ITPR2: variants seen among roughly 807,000 people sequenced by gnomAD.
ITPR2 encodes the protein inositol 1,4,5-trisphosphate-gated calcium channel ITPR2.
A neutral mutation model predicts 317.1 loss-of-function variants in ITPR2; 207 were observed. The observed-to-expected ratio is 0.65, with a 90% confidence interval of 0.58 to 0.73. The LOEUF (loss-of-function observed/expected upper bound fraction) is 0.73. ITPR2 is among the 30% of genes least tolerant of loss of function. The pLI, the probability that ITPR2 is intolerant of heterozygous loss-of-function variation, is 0.00. For missense variants in ITPR2, 2,613 were observed against 3,284.0 expected, an observed-to-expected ratio of 0.80 and a Z score of 4.99; for synonymous variants, 1,156 against 1,149.1, an observed-to-expected ratio of 1.01 and a Z score of -0.12.
chr12:26,798,767 A>G (rs1455156305), intron 1 of ITPR2, among the ~76,000 whole-genome samples: 1 of 152,182 alleles, frequency 6.6e-6, no homozygotes, highest in Non-Finnish European at 1.5e-5. Context: ...TCCTATGGCC[A>G]CTCCTGTACA....
intron 39 of ITPR2, among the ~76,000 whole-genome samples, chr12:26,492,091 G>C (rs141450469): frequency 1.3e-5 from 2 of 152,302 alleles, no homozygotes; most frequent in Non-Finnish European, 2.9e-5. Flanking sequence ...TTTGCAGAAG[G>C]CTAAGAAGAA....
intron 8 of ITPR2, among the ~76,000 whole-genome samples, chr12:26,711,797 A>G (rs1948646803): frequency 6.6e-6 from 1 of 152,204 alleles, no homozygotes; most frequent in Admixed American, 6.5e-5. Flanking sequence ...CATCATGAGT[A>G]TGGGCCACTT....
intron 15 of ITPR2, among the ~76,000 whole-genome samples, chr12:26,660,488 T>C (rs1352954965): frequency 6.6e-6 from 1 of 152,242 alleles, no homozygotes; most frequent in East Asian, 1.9e-4. Flanking sequence ...CCTGGAAATG[T>C]GTCTTTGTTT....
intron 55 of ITPR2, among the ~76,000 whole-genome samples, chr12:26,352,654 G>A (rs967370809): frequency 6.6e-6 from 1 of 152,204 alleles, no homozygotes; most frequent in African/African-American, 2.4e-5. Flanking sequence ...AAAACTGGGT[G>A]CTTGAAAATG....
chr12:26,647,434 C>T (rs1001594031), intron 21 of ITPR2, among the ~76,000 whole-genome samples: 3 of 152,156 alleles, frequency 2.0e-5, no homozygotes, highest in African/African-American at 7.2e-5. Flanking sequence ...AAAAAGGGCT[C>T]TTAATTATTA....
At chr12:26,431,438 A>G (rs1941205393) in intron 48 of ITPR2, among the ~76,000 whole-genome samples, 1 of 152,180 alleles carries the variant, frequency 6.6e-6, no homozygotes, top group African/African-American at 2.4e-5. Flanking sequence ...TCATTCCTCA[A>G]CATTGGCATG....
chr12:26,391,479 A>G (rs945085006), intron 54 of ITPR2, among the ~76,000 whole-genome samples: 2 of 152,056 alleles, frequency 1.3e-5, no homozygotes, highest in Non-Finnish European at 2.9e-5. Context: ...TCTGGCAGAA[A>G]CAACGGCAAG....
At chr12:26,666,560 CT>C (rs905079675) in intron 13 of ITPR2, among the ~76,000 whole-genome samples, 3 of 152,108 alleles carry the variant, frequency 2.0e-5, no homozygotes, top group Non-Finnish European at 4.4e-5. Flanking sequence ...TCTTTTTTTA[CT>C]GTTAAACTAC....
intron 48 of ITPR2, among the ~76,000 whole-genome samples, chr12:26,429,329 G>T (rs980004290): frequency 1.3e-5 from 2 of 152,160 alleles, no homozygotes; most frequent in African/African-American, 4.8e-5. Context: ...AGACAGATGT[G>T]ATATTCTCCC....
At chr12:26,452,871 A>G in intron 45 of ITPR2, among the ~76,000 whole-genome samples, 1 of 152,132 alleles carries the variant, frequency 6.6e-6, no homozygotes, top group East Asian at 1.9e-4. Flanking sequence ...TTAATTACCC[A>G]GTCTCGGGTA....
chr12:26,455,418 T>C (rs567288945), intron 45 of ITPR2, among the ~76,000 whole-genome samples: 4 of 149,606 alleles, frequency 2.7e-5, no homozygotes, highest in South Asian at 4.2e-4. Flanking sequence ...AGAGAATTAC[T>C]GCTCAAATGA....
At chr12:26,509,688 C>T (rs558179086) in intron 37 of ITPR2, among the ~76,000 whole-genome samples, 1 of 152,068 alleles carries the variant, frequency 6.6e-6, no homozygotes, top group African/African-American at 2.4e-5. Context: ...GAGCCAATTT[C>T]CTTTTAAAAC....
At chr12:26,354,987 C>G (rs1055235174) in intron 55 of ITPR2, among the ~76,000 whole-genome samples, 3 of 152,116 alleles carry the variant, frequency 2.0e-5, no homozygotes, top group Non-Finnish European at 4.4e-5. Flanking sequence ...CAAAGTCTGT[C>G]TTCCCTAGAT....
chr12:26,533,858 C>T (rs143115601), intron 37 of ITPR2, among the ~76,000 whole-genome samples: 1 of 152,282 alleles, frequency 6.6e-6, no homozygotes, highest in Non-Finnish European at 1.5e-5. Context: ...TTAAGCCACT[C>T]GATCTGTGGG....
intron 32 of ITPR2, among the ~76,000 whole-genome samples, chr12:26,590,906 C>A (rs112988063): frequency 1.6e-3 from 245 of 151,886 alleles, no homozygotes; most frequent in African/African-American, 5.7e-3. Flanking sequence ...ATGGTGAAAC[C>A]CCGTCTCTAC....
At chr12:26,726,611 T>C (rs548419209) in intron 2 of ITPR2, among the ~76,000 whole-genome samples, 48 of 152,296 alleles carry the variant, frequency 3.2e-4, no homozygotes, top group African/African-American at 1.2e-3. Context: ...CATAACAAAT[T>C]TACTTTATTT....
intron 34 of ITPR2, among the ~76,000 whole-genome samples, chr12:26,564,065 A>C (rs1181002163): frequency 6.6e-6 from 1 of 152,222 alleles, no homozygotes; most frequent in Non-Finnish European, 1.5e-5. Flanking sequence ...AGAAAGAAGA[A>C]TGACATCTTA....
intron 41 of ITPR2, among the ~76,000 whole-genome samples, chr12:26,484,177 A>G (rs899072326): frequency 7.3e-5 from 11 of 151,126 alleles, no homozygotes; most frequent in Non-Finnish European, 1.6e-4. Context: ...ATATATGTGT[A>G]TATATATATC....
chr12:26,510,016 G>A, intron 37 of ITPR2, among the ~76,000 whole-genome samples: 1 of 142,968 alleles, frequency 7.0e-6, no homozygotes. Flanking sequence ...TGGGGGGTGG[G>A]GGTGGGGAGA....
Sources: gnomAD v4.1 joint callset for allele counts (sites outside exome capture counted in the v4.1 genomes callset) on GRCh38, gnomAD v4.1.1 for gene constraint, MANE v1.5 for transcripts, NCBI Gene and HGNC (gene_info 2026-07-23, HGNC 2026-07-21) for gene names.